Variants in XPOT observed in about 807,000 individuals in gnomAD.
XPOT encodes exportin-T.
A neutral mutation model predicts 128.2 loss-of-function variants in XPOT; 34 were observed. The ratio of observed to expected loss-of-function variants is 0.27; its 90% CI spans 0.20 to 0.35. XPOT has a LOEUF of 0.35. XPOT is among the 10% of genes least tolerant of loss of function. The pLI, the probability that XPOT is intolerant of heterozygous loss-of-function variation, is 1.00. For missense variants in XPOT, 838 were observed against 1,125.3 expected, an observed-to-expected ratio of 0.74 and a Z score of 3.65; for synonymous variants, 348 against 394.3, an observed-to-expected ratio of 0.88 and a Z score of 1.39.
Position 64,450,992 on chromosome 12 carries a change from C to T in XPOT, c.*2861C>T, listed in dbSNP as rs1029535802. ...ACTGGTGGAAGGAACTTTAACAGGT[C>T]TTCGCTCTTGTCATTAGATATCAAA... On this transcript the variant is annotated 3_prime_UTR_variant, in exon 25 of 25. Transcript: ENST00000332707. The T allele has an allele frequency of 3.3e-5, 5 of 152,210 alleles. No individual in the cohort carries two copies. Among genetic ancestry groups the T allele is most frequent in the African/African-American group, 1.2e-4 (5 of 41,446 alleles). 9.4% of individuals were successfully genotyped at this position (152,210 alleles called of 1,614,324 possible).
intron 9 of XPOT, 88 bp from the exon 10 acceptor site, chr12:64,422,917 A>G: frequency 7.2e-7 from 1 of 1,384,730 alleles, no homozygotes; most frequent in South Asian, 1.3e-5. Flanking sequence ...AAAAAAAAAA[A>G]AACCAGGTCT....
chr12:64,414,109 A>G (rs1466907530), intron 2 of XPOT, among the ~76,000 whole-genome samples: 5 of 152,212 alleles, frequency 3.3e-5, no homozygotes, highest in Non-Finnish European at 7.3e-5. Context: ...GTCCATTGCC[A>G]TGTGTGAAAC....
chr12:64,427,548 T>G (rs1037308865), intron 15 of XPOT, among the ~76,000 whole-genome samples: 2 of 152,070 alleles, frequency 1.3e-5, no homozygotes, highest in Non-Finnish European at 2.9e-5. Context: ...TAGGCTGGAG[T>G]ATAGTGGCTG....
At chr12:64,411,738 ATGAC>A (rs1186285664) in intron 2 of XPOT, among the ~76,000 whole-genome samples, 1 of 152,128 alleles carries the variant, frequency 6.6e-6, no homozygotes, top group East Asian at 1.9e-4. Context: ...GGTGAGAAGA[ATGAC>A]TGTCTGCCAA....
intron 2 of XPOT, among the ~76,000 whole-genome samples, chr12:64,413,233 G>C (rs2040056991): frequency 1.3e-5 from 2 of 151,984 alleles, no homozygotes; most frequent in Admixed American, 1.3e-4. Flanking sequence ...CTCCCAAGTA[G>C]TTGGGACTGT....
At chr12:64,431,979 G>A (rs961455591) in intron 18 of XPOT, among the ~76,000 whole-genome samples, 156 bp downstream of exon 18, 1 of 151,984 alleles carries the variant, frequency 6.6e-6, no homozygotes. Context: ...CATCTGTGGT[G>A]TCTGGCACAC....
intron 24 of XPOT, among the ~76,000 whole-genome samples, chr12:64,447,896 G>T (rs1022116458): frequency 6.6e-6 from 1 of 151,966 alleles, no homozygotes; most frequent in Non-Finnish European, 1.5e-5. Flanking sequence ...TCCCCAGTTG[G>T]GTGATGTCAG....
intron 1 of XPOT, among the ~76,000 whole-genome samples, chr12:64,405,571 C>G (rs921858245): frequency 2.6e-5 from 4 of 152,192 alleles, no homozygotes; most frequent in African/African-American, 9.7e-5. Context: ...CCCCCAAGAA[C>G]CTTTGCAAGA....
In XPOT at chr12:64,410,028, C is replaced by T; in HGVS notation, c.-8C>T. ...TACAACCAGAAAACTACAAGTATAA[C>T]AGCGAGGATGGATGAACAGGCTCTA... On this transcript the variant is annotated 5_prime_UTR_variant, in exon 2 of 25. Transcript: ENST00000332707. 1 of 1,613,446 alleles carries T rather than the reference C, an allele frequency of 6.2e-7. No individual in the cohort carries two copies. Among genetic ancestry groups the T allele is most frequent in the East Asian group, 2.2e-5 (1 of 44,846 alleles).
chr12:64,411,518 G>A (rs1465859827), intron 2 of XPOT, among the ~76,000 whole-genome samples: 5 of 152,116 alleles, frequency 3.3e-5, no homozygotes, highest in Non-Finnish European at 7.3e-5. Flanking sequence ...TACATTATTA[G>A]TGGTTTTAAT....
intron 1 of XPOT, among the ~76,000 whole-genome samples, chr12:64,405,853 C>T (rs1323664912): frequency 6.6e-6 from 1 of 151,968 alleles, no homozygotes; most frequent in Non-Finnish European, 1.5e-5. Flanking sequence ...CTTGACCTCG[C>T]GATCCGCCCG....
At chr12:64,445,019 A>G (rs1258861947) in intron 23 of XPOT, 56 bp from the exon 24 acceptor site, 8 of 1,451,230 alleles carry the variant, frequency 5.5e-6, no homozygotes, top group Middle Eastern at 1.8e-4. Context: ...ACGAATTACA[A>G]TGGATTTAAT....
chr12:64,447,619 C>T lies in XPOT; in HGVS notation c.2863-486C>T, dbSNP rs150537741. Among the ~76,000 whole-genome samples the T allele has an allele frequency of 3.6e-3, 543 of 152,282 alleles. 4 individuals are homozygous for T. The highest frequency in any genetic ancestry group is 0.012 in the African/African-American group (515 of 41,548). On this transcript the variant is annotated intron_variant, in intron 24 of 24. Transcript: ENST00000332707. ...TCAGCCTCCCGAATAGCTGGGATTA[C>T]AGGCATGCACCACCACACCCGGCTA...
intron 23 of XPOT, 72 bp downstream of exon 23, chr12:64,439,387 C>T: frequency 7.3e-7 from 1 of 1,365,506 alleles, no homozygotes; most frequent in Non-Finnish European, 1.0e-6. Context: ...GACATTGTCG[C>T]TAGCAGAAAT....
chr12:64,409,327 AAC>A (rs1362866292), intron 1 of XPOT, among the ~76,000 whole-genome samples: 1 of 152,214 alleles, frequency 6.6e-6, no homozygotes, highest in Non-Finnish European at 1.5e-5. Flanking sequence ...AGATAAGTAA[AAC>A]ACTGCATAAA....
At chr12:64,409,860 A>C (rs1262540655) in intron 1 of XPOT, 102 bp from the exon 2 acceptor site, 1 of 551,634 alleles carries the variant, frequency 1.8e-6, no homozygotes. Flanking sequence ...GTTTTTAAAC[A>C]TTTAAGCTTC....
intron 12 of XPOT, 92 bp downstream of exon 12, chr12:64,424,815 C>T: frequency 2.0e-6 from 3 of 1,485,486 alleles, no homozygotes; most frequent in Non-Finnish European, 2.7e-6. Flanking sequence ...CTTATTAATC[C>T]ATGTTACTTA....
intron 1 of XPOT, among the ~76,000 whole-genome samples, chr12:64,408,331 C>T (rs2040001926): frequency 6.6e-6 from 1 of 152,176 alleles, no homozygotes; most frequent in Non-Finnish European, 1.5e-5. Context: ...TGGTCTTGAA[C>T]TCCTGACCTC....
chr12:64,424,779 T>C, intron 12 of XPOT, 56 bp downstream of exon 12: 1 of 1,589,802 alleles, frequency 6.3e-7, no homozygotes, highest in African/African-American at 1.4e-5. Context: ...CTCTTTGATA[T>C]GGGTCAAAAT....
Sources: gnomAD v4.1 joint callset for allele counts (sites outside exome capture counted in the v4.1 genomes callset) on GRCh38, gnomAD v4.1.1 for gene constraint, MANE v1.5 for transcripts, NCBI Gene and HGNC (gene_info 2026-07-23, HGNC 2026-07-21) for gene names.